The following PLEKHH2 variants were observed in gnomAD, a reference collection of about 807,000 sequenced individuals.
PLEKHH2 encodes pleckstrin homology domain-containing family H member 2.
A neutral mutation model predicts 187.9 loss-of-function variants in PLEKHH2; 129 were observed. The ratio of observed to expected loss-of-function variants is 0.69; its 90% CI spans 0.59 to 0.79. The LOEUF (loss-of-function observed/expected upper bound fraction) is 0.79. Ranked by LOEUF, PLEKHH2 falls within the 30% of genes least tolerant of loss-of-function variation. The pLI, the probability that PLEKHH2 is intolerant of heterozygous loss-of-function variation, is 0.00. For missense variants in PLEKHH2, 2,076 were observed against 1,751.2 expected (o/e 1.19, Z -3.31); for synonymous variants, 686 against 605.6 (o/e 1.13, Z -1.95).
chr2:43,683,677 G>A (rs1668353013), intron 3 of PLEKHH2, among the ~76,000 whole-genome samples: 2 of 151,854 alleles, frequency 1.3e-5, no homozygotes, highest in African/African-American at 2.4e-5. Context: ...GTAAAATATA[G>A]TTAGATCTAA....
chr2:43,753,605 CT>C lies in PLEKHH2; in HGVS notation c.3654-5del, dbSNP rs201067670. ...AATATAATTTAATGAGAAATTTACT[CT>C]TTTTTTTTACAGACTATATTTCTCA... is the stretch of plus-strand genomic sequence containing the variant. On this transcript the variant is annotated splice_polypyrimidine_tract_variant and intron_variant, in intron 24 of 29. Coordinates refer to ENST00000282406, the MANE Select transcript of PLEKHH2 (RefSeq NM_172069.4). 2.4e-4 allele frequency: 321 copies of C among 1,361,362 alleles called. No homozygotes were observed. Among genetic ancestry groups the C allele is most frequent in the South Asian group, 6.2e-4 (36 of 58,054 alleles). 84.3% of individuals were successfully genotyped at this position (1,361,362 alleles called of 1,614,324 possible).
At chr2:43,677,840 C>G (rs562987844) in intron 2 of PLEKHH2, among the ~76,000 whole-genome samples, 1 of 148,224 alleles carries the variant, frequency 6.7e-6, no homozygotes, top group African/African-American at 2.5e-5. Flanking sequence ...GACCCCCCCC[C>G]ACCTCCCTCC....
At chr2:43,707,859 T>C (rs1042243556) in intron 11 of PLEKHH2, among the ~76,000 whole-genome samples, 3 of 152,194 alleles carry the variant, frequency 2.0e-5, no homozygotes, top group Non-Finnish European at 4.4e-5. Context: ...GAAATAGACT[T>C]ATTTCAGCTA....
At position 43,745,587 on chromosome 2, in the gene PLEKHH2, T is replaced by A. The variant is rs191400669; in HGVS notation, c.3556-279T>A. Among the ~76,000 whole-genome samples the A allele has an allele frequency of 3.3e-3, 504 of 152,300 alleles. 4 individuals carry two copies. The highest frequency in any genetic ancestry group is 0.014 in the Middle Eastern group (4 of 294). On this transcript the variant is annotated intron_variant, in intron 23 of 29. Coordinates refer to ENST00000282406, the MANE Select transcript of PLEKHH2 (RefSeq NM_172069.4). ...CATGGAAAAATCCCTGGAATCTTCT[T>A]GTTTCCAGTTTCAGGCAGTCCTACA...
At chr2:43,765,264 T>C in intron 29 of PLEKHH2, 149 bp from the exon 30 acceptor site, 1 of 660,268 alleles carries the variant, frequency 1.5e-6, no homozygotes. Context: ...GCTGGACATG[T>C]AAGCACTTCA....
intron 15 of PLEKHH2, among the ~76,000 whole-genome samples, chr2:43,716,101 A>G (rs932910826): frequency 6.6e-6 from 1 of 152,184 alleles, no homozygotes; most frequent in Non-Finnish European, 1.5e-5. Context: ...AGGACTATCT[A>G]TACCTTTCAG....
Position 43,715,151 on chromosome 2 carries a change from C to T in PLEKHH2, c.2460+2768C>T, listed in dbSNP as rs189854225. On this transcript the variant is annotated intron_variant, in intron 15 of 29. Coordinates refer to ENST00000282406, the MANE Select transcript of PLEKHH2 (RefSeq NM_172069.4). ...ATTAACCAGGCATGCTGGCGGGCAC[C>T]TGTAATCCCAGCTACTCGGGAGGCT... Among the ~76,000 whole-genome samples, 78 of 152,202 alleles carry T rather than the reference C, an allele frequency of 5.1e-4. 1 individual carries two copies. The East Asian group carries it at 0.012, about 23-fold the overall frequency.
In PLEKHH2 at chr2:43,758,888, CT is replaced by C. The variant is rs760181186; in HGVS notation, c.3942-3del. The C allele has an allele frequency of 1.7e-4, 267 of 1,542,630 alleles. No individual in the cohort carries two copies. Among genetic ancestry groups the C allele is most frequent in the Admixed American group, 5.1e-4 (26 of 51,140 alleles). Reference sequence around the variant, plus strand: ...TTAGTGTTTTTGTTTTTGTTCTTTTCTTTTTTTTTAGGCAGCTTTGCCAGCG... The same window carrying C: ...TTAGTGTTTTTGTTTTTGTTCTTTTCTTTTTTTTAGGCAGCTTTGCCAGCG... On this transcript the variant is annotated splice_polypyrimidine_tract_variant and intron_variant, in intron 26 of 29. Transcript: ENST00000282406.
intron 18 of PLEKHH2, among the ~76,000 whole-genome samples, 179 bp downstream of exon 18, chr2:43,729,924 C>T (rs1670957802): frequency 6.6e-6 from 1 of 151,990 alleles, no homozygotes; most frequent in Non-Finnish European, 1.5e-5. Flanking sequence ...GCAGGGACAC[C>T]ATCATTCCTC....
intron 29 of PLEKHH2, 148 bp from the exon 30 acceptor site, chr2:43,765,265 A>T: frequency 1.5e-6 from 1 of 661,054 alleles, no homozygotes; most frequent in Non-Finnish European, 2.5e-6. Flanking sequence ...CTGGACATGT[A>T]AGCACTTCAT....
At chr2:43,679,654 C>A in intron 3 of PLEKHH2, 1 of 227,242 alleles carries the variant, frequency 4.4e-6, no homozygotes, top group Non-Finnish European at 8.9e-6. Flanking sequence ...CACCACCATA[C>A]CCGGCTAATT....
In PLEKHH2 at chr2:43,766,362, C is replaced by T. The variant is rs565942329; in HGVS notation, c.*764C>T. The T allele has an allele frequency of 1.3e-5, 2 of 152,898 alleles. No homozygotes were observed. Among genetic ancestry groups the T allele is most frequent in the African/African-American group, 4.8e-5 (2 of 41,562 alleles). The allele number at this position is 152,898 out of a possible 1,614,324, so 9.5% of individuals were successfully genotyped here. A position where few individuals can be genotyped will look rare whatever the true frequency, so the allele number is the denominator to read the frequency against. Reference sequence around the variant, plus strand: ...TTGGTGCTGGGTCATTTTGACCTTGCTTTGTTAATAATATCTTTAAAAACA... The same window carrying T: ...TTGGTGCTGGGTCATTTTGACCTTGTTTTGTTAATAATATCTTTAAAAACA... On this transcript the variant is annotated 3_prime_UTR_variant, in exon 30 of 30. Coordinates refer to ENST00000282406, the MANE Select transcript of PLEKHH2 (RefSeq NM_172069.4).
chr2:43,707,370 G>T, intron 10 of PLEKHH2, 31 bp from the exon 11 acceptor site: 1 of 1,613,392 alleles, frequency 6.2e-7, no homozygotes, highest in Non-Finnish European at 8.5e-7. Flanking sequence ...ATTAGGGATG[G>T]ATACAGGGAG....
intron 2 of PLEKHH2, among the ~76,000 whole-genome samples, chr2:43,652,241 A>C (rs1355046859): frequency 6.6e-6 from 1 of 152,196 alleles, no homozygotes; most frequent in Non-Finnish European, 1.5e-5. Flanking sequence ...AGAAGGTTTC[A>C]ATGAATTAGT....
rs528277770 is a variant in PLEKHH2 at position 43,654,807 on chromosome 2, A to C, written c.123+10011A>C. Reference sequence around the variant, plus strand: ...TTTGGGAGGCTGAGGTGGGCAGATCACTTGAGGTCAGGAGTTCTAGACCAG... The same window carrying C: ...TTTGGGAGGCTGAGGTGGGCAGATCCCTTGAGGTCAGGAGTTCTAGACCAG... On this transcript the variant is annotated intron_variant, in intron 2 of 29. Coordinates refer to ENST00000282406, the MANE Select transcript of PLEKHH2 (RefSeq NM_172069.4). Among the ~76,000 whole-genome samples, 13 of 151,504 alleles carry C rather than the reference A, an allele frequency of 8.6e-5. No individual in the cohort carries two copies. In the East Asian group the frequency reaches 2.6e-3, roughly 30 times the overall value.
intron 2 of PLEKHH2, among the ~76,000 whole-genome samples, chr2:43,668,433 T>C (rs1011547133): frequency 5.3e-5 from 8 of 152,244 alleles, no homozygotes; most frequent in Admixed American, 2.0e-4. Flanking sequence ...ATCATTATCA[T>C]GTTCTGTGTT....
At chr2:43,684,416 G>C (rs1163102894) in intron 3 of PLEKHH2, among the ~76,000 whole-genome samples, 1 of 152,022 alleles carries the variant, frequency 6.6e-6, no homozygotes, top group African/African-American at 2.4e-5. Context: ...ATTGAGGATG[G>C]TTTTGTTTTG....
chr2:43,759,259 A>T (rs1026838140), intron 27 of PLEKHH2, among the ~76,000 whole-genome samples: 2 of 152,210 alleles, frequency 1.3e-5, no homozygotes, highest in African/African-American at 4.8e-5. Flanking sequence ...TAGGTGAATC[A>T]TGAGTCCTAA....
chr2:43,708,222 C>T (rs1669760169), intron 11 of PLEKHH2, among the ~76,000 whole-genome samples: 1 of 152,184 alleles, frequency 6.6e-6, no homozygotes. Flanking sequence ...CCCGCTACAG[C>T]CAGAATCAGG....
Sources: allele counts gnomAD v4.1 joint callset (sites outside exome capture counted in the v4.1 genomes callset), GRCh38; gene constraint gnomAD v4.1.1; transcripts MANE v1.5; gene names NCBI Gene and HGNC (gene_info 2026-07-23, HGNC 2026-07-21).